KIF16B: variants seen among roughly 807,000 people sequenced by gnomAD.
KIF16B encodes kinesin family member 16B.
In KIF16B, 98 loss-of-function variants were observed where a neutral mutation model predicts 156.3. That is an observed-to-expected ratio of 0.63 (90% CI 0.53 to 0.74). The LOEUF is 0.74. Ranked by LOEUF, KIF16B falls within the 30% of genes least tolerant of loss-of-function variation. The pLI is 0.00. For missense variants in KIF16B, 1,421 were observed against 1,606.5 expected (o/e 0.88, Z 1.97); for synonymous variants, 564 against 583.7 (o/e 0.97, Z 0.49).
intron 1 of KIF16B, among the ~76,000 whole-genome samples, chr20:16,541,462 G>A (rs144671669): frequency 2.0e-5 from 3 of 152,338 alleles, no homozygotes; most frequent in African/African-American, 4.8e-5. Flanking sequence ...AAGTACGGAT[G>A]AGCCAAGGAC....
chr20:16,490,742 C>T (rs1325339732), intron 12 of KIF16B, among the ~76,000 whole-genome samples: 1 of 152,114 alleles, frequency 6.6e-6, no homozygotes, highest in Non-Finnish European at 1.5e-5. Flanking sequence ...GAATTGTGAG[C>T]AAATAAAAGT....
chr20:16,279,523 G>A (rs1412961222), intron 25 of KIF16B, among the ~76,000 whole-genome samples: 1 of 152,150 alleles, frequency 6.6e-6, no homozygotes, highest in Non-Finnish European at 1.5e-5. Context: ...GCGCTGGCAG[G>A]GGGCAGACAA....
chr20:16,296,532 C>T (rs2063388707), intron 25 of KIF16B, among the ~76,000 whole-genome samples: 1 of 152,172 alleles, frequency 6.6e-6, no homozygotes, highest in Admixed American at 6.5e-5. Context: ...ATGCTATTTC[C>T]ATAGACAGGA....
intron 25 of KIF16B, among the ~76,000 whole-genome samples, chr20:16,279,422 C>T (rs1223842516): frequency 1.3e-5 from 2 of 152,136 alleles, no homozygotes; most frequent in Non-Finnish European, 2.9e-5. Context: ...CTGTCCATTC[C>T]CAAGGCTAGG....
rs115396693 is a variant in KIF16B, at chr20:16,567,220, C to T, written c.47+6009G>A. On this transcript the variant is annotated intron_variant, in intron 1 of 25. Coordinates refer to ENST00000354981, the MANE Select transcript of KIF16B (RefSeq NM_024704.5). The stretch of plus-strand genomic sequence containing the variant: ...AGACCTCCTTATTACAGTCTCTGAG[C>T]CCTTGTTCCTCATCTGTAGAATGGG... 9.2e-3 allele frequency among the ~76,000 whole-genome samples: 1,403 copies of T among 152,300 alleles called. 23 individuals carry two copies. Among genetic ancestry groups the T allele is most frequent in the African/African-American group, 0.031 (1,303 of 41,552 alleles).
Position 16,279,020 on chromosome 20 carries a change from C to T in KIF16B, c.3796-5609G>A, listed in dbSNP as rs527513207. ...AGGTCCTGTTTCTCTGCAAGGCTCA[C>T]GCTCTTCTACAGGGAGCCAAGGCAG... On this transcript the variant is annotated intron_variant, in intron 25 of 25. Transcript: ENST00000354981. Among the ~76,000 whole-genome samples, 139 of 152,282 alleles carry T rather than the reference C, an allele frequency of 9.1e-4. 2 individuals are homozygous for T. The highest frequency in any genetic ancestry group is 3.1e-3 in the African/African-American group (127 of 41,558).
chr20:16,396,463 A>T (rs945507234), intron 17 of KIF16B, among the ~76,000 whole-genome samples: 1 of 152,076 alleles, frequency 6.6e-6, no homozygotes, highest in Non-Finnish European at 1.5e-5. Flanking sequence ...AAGAACTCTA[A>T]AGTCCAATAT....
chr20:16,376,665 C>A (rs2064958892), intron 19 of KIF16B, among the ~76,000 whole-genome samples: 1 of 152,212 alleles, frequency 6.6e-6, no homozygotes, highest in South Asian at 2.1e-4. Flanking sequence ...TCTGAAGGAA[C>A]ACTCCCATTG....
In KIF16B at chr20:16,381,681, C is replaced by T. The variant is rs1427397256; in HGVS notation, c.1838+13G>A. On this transcript the variant is annotated intron_variant, in intron 18 of 25. Coordinates refer to ENST00000354981, the MANE Select transcript of KIF16B (RefSeq NM_024704.5). ...CTACAGGAGTGTTGAAACTTGAACC[C>T]CATGTGACTTACCTTTTACTTTCTA... 6.2e-7 allele frequency: 1 copy of T among 1,607,954 alleles called. No individual in the cohort carries two copies. The highest frequency in any genetic ancestry group is 8.5e-7 in the Non-Finnish European group (1 of 1,175,298).
At chr20:16,510,373 C>T (rs1001166824) in intron 6 of KIF16B, among the ~76,000 whole-genome samples, 4 of 152,100 alleles carry the variant, frequency 2.6e-5, no homozygotes, top group Non-Finnish European at 4.4e-5. Context: ...ACAGATGGGC[C>T]GGGCGTGGTG....
intron 5 of KIF16B, 43 bp from the exon 6 acceptor site, chr20:16,511,570 G>T: frequency 7.8e-7 from 1 of 1,287,638 alleles, no homozygotes; most frequent in Non-Finnish European, 1.1e-6. Flanking sequence ...AATGATTTCA[G>T]ACATTAATAT....
At chr20:16,437,983 A>T (rs535413855) in intron 12 of KIF16B, among the ~76,000 whole-genome samples, 2,802 of 124,530 alleles carry the variant, frequency 0.023, 47 homozygotes, top group Middle Eastern at 0.053. Flanking sequence ...AAATAAAAAA[A>T]AATAATAAAA....
rs565835798 is a variant in KIF16B at position 16,348,097 on chromosome 20, C to A, written c.3621+8233G>T. Among the ~76,000 whole-genome samples, 32 of 152,274 alleles carry A rather than the reference C, an allele frequency of 2.1e-4. No homozygotes were observed. The East Asian group carries it at 6.0e-3, about 28-fold the overall frequency. Reference sequence around the variant, plus strand: ...AGGTTTACCAAAGCCTTAACAACAGCCCCAATTTACAAAGTACCCATGACT... The same window carrying A: ...AGGTTTACCAAAGCCTTAACAACAGACCCAATTTACAAAGTACCCATGACT... On this transcript the variant is annotated intron_variant, in intron 23 of 25. Coordinates refer to ENST00000354981, the MANE Select transcript of KIF16B (RefSeq NM_024704.5).
At chr20:16,412,211 C>A (rs1373680173) in intron 15 of KIF16B, among the ~76,000 whole-genome samples, 1 of 151,874 alleles carries the variant, frequency 6.6e-6, no homozygotes, top group Non-Finnish European at 1.5e-5. Context: ...CAGAGGTCAA[C>A]TGAGACAAAA....
At chr20:16,369,446 G>C (rs753352917) in intron 22 of KIF16B, among the ~76,000 whole-genome samples, 12 of 135,500 alleles carry the variant, frequency 8.9e-5, no homozygotes, top group Non-Finnish European at 1.4e-4. Context: ...TTCATACATA[G>C]AACATCAATT....
chr20:16,313,451 C>A (rs2063651124), intron 24 of KIF16B, among the ~76,000 whole-genome samples: 1 of 152,102 alleles, frequency 6.6e-6, no homozygotes, highest in African/African-American at 2.4e-5. Flanking sequence ...AATATACATA[C>A]AGAAAAGTGC....
At position 16,374,273 on chromosome 20, in the gene KIF16B, G is replaced by A. The variant is rs2064890813; in HGVS notation, c.3334C>T (p.Pro1112Ser). 1 of 1,591,820 alleles carries A rather than the reference G, an allele frequency of 6.3e-7. No homozygotes were observed. The highest frequency in any genetic ancestry group is 8.6e-7 in the Non-Finnish European group (1 of 1,166,938). ...PVSAEKSHLV[P>S]LMDARINAYI... The stretch of plus-strand genomic sequence containing the variant: ...GTCCAGTACCTGGCATCCATGAGGG[G>A]AACCAGGTGTGATTTTTCAGCACTG... Residue 1112 changes from proline to serine, a missense_variant, in exon 20 of 26, where the codon CCC becomes TCC. Physicochemically the swap from Pro to Ser is moderately conservative, Grantham distance 74 (BLOSUM62 -1). Coordinates refer to ENST00000354981, the MANE Select transcript of KIF16B (RefSeq NM_024704.5).
intron 12 of KIF16B, 77 bp downstream of exon 12, chr20:16,494,214 G>T: frequency 4.9e-6 from 4 of 808,522 alleles, no homozygotes; most frequent in South Asian, 4.9e-5. Flanking sequence ...GCCATGTTTG[G>T]AGATTAAAAA....
chr20:16,487,078 C>T (rs1568592847), intron 12 of KIF16B, among the ~76,000 whole-genome samples: 1 of 151,874 alleles, frequency 6.6e-6, no homozygotes, highest in Admixed American at 6.6e-5. Context: ...ACGGTGAAAC[C>T]CCATCTCTAC....
Sources: gnomAD v4.1 joint callset for allele counts (sites outside exome capture counted in the v4.1 genomes callset) on GRCh38, gnomAD v4.1.1 for gene constraint, MANE v1.5 for transcripts, NCBI Gene and HGNC (gene_info 2026-07-23, HGNC 2026-07-21) for gene names.